CDC27: variants seen among roughly 807,000 people sequenced by gnomAD.
CDC27 encodes the protein cell division cycle protein 27 homolog.
Under a neutral mutation model 109.7 loss-of-function variants are expected in CDC27, and 27 were observed. The ratio of observed to expected loss-of-function variants is 0.25; its 90% confidence interval spans 0.18 to 0.34. CDC27 has a LOEUF of 0.34. Among genes scored for constraint, CDC27 ranks in the 10% least tolerant of loss-of-function variants. The probability of loss-of-function intolerance (pLI) is 1.00; values close to 1 mark genes in which losing one functional copy is unlikely to be tolerated. For missense variants in CDC27, 579 were observed against 960.2 expected, an observed-to-expected ratio of 0.60 and a Z score of 5.25; for synonymous variants, 266 against 333.9, an observed-to-expected ratio of 0.80 and a Z score of 2.22.
intron 18 of CDC27, among the ~76,000 whole-genome samples, chr17:47,121,518 G>C (rs1425472423): frequency 6.6e-6 from 1 of 152,114 alleles, no homozygotes; most frequent in African/African-American, 2.4e-5. Context: ...GCTCACTGCA[G>C]CCTCAAACTC....
intron 2 of CDC27, chr17:47,181,169 C>G (rs1423552810): frequency 7.3e-6 from 1 of 137,584 alleles, no homozygotes; most frequent in Non-Finnish European, 1.5e-5. Flanking sequence ...GTGGGAGGAT[C>G]GCTTGAGCCT....
chr17:47,166,760 T>C (rs992956333), intron 4 of CDC27, among the ~76,000 whole-genome samples: 2 of 152,230 alleles, frequency 1.3e-5, no homozygotes, highest in Non-Finnish European at 2.9e-5. Context: ...AGCAACATCA[T>C]AGTTTTTAAT....
At chr17:47,185,438 C>A (rs1281470967) in intron 1 of CDC27, among the ~76,000 whole-genome samples, 1 of 152,148 alleles carries the variant, frequency 6.6e-6, no homozygotes, top group Non-Finnish European at 1.5e-5. Flanking sequence ...CTGCCTCAGC[C>A]CCCCAAAGTG....
At chr17:47,134,308 T>A (rs1306928697) in intron 14 of CDC27, among the ~76,000 whole-genome samples, 2 of 57,716 alleles carry the variant, frequency 3.5e-5, no homozygotes, top group Non-Finnish European at 9.3e-5. Context: ...CCATATAGAT[T>A]TTTTTTTTTT....
chr17:47,175,493 CTT>C (rs953830608), intron 2 of CDC27, among the ~76,000 whole-genome samples: 24 of 152,260 alleles, frequency 1.6e-4, no homozygotes, highest in African/African-American at 5.3e-4. Flanking sequence ...ACCTATGGAA[CTT>C]TTTATGATTT....
At chr17:47,189,028 G>A (rs953547009) in intron 1 of CDC27, 118 bp downstream of exon 1, 129 of 1,509,360 alleles carry the variant, frequency 8.5e-5, no homozygotes, top group Non-Finnish European at 1.0e-4. Context: ...GGACACGGCA[G>A]CAGGGGAGGC....
intron 16 of CDC27, among the ~76,000 whole-genome samples, chr17:47,124,775 C>T (rs925122317): frequency 3.9e-5 from 6 of 152,000 alleles, no homozygotes; most frequent in Non-Finnish European, 1.5e-5. Context: ...ATTCTACTGT[C>T]CATTTGGACA....
chr17:47,125,923 TTTTC>T (rs562124864), intron 16 of CDC27, among the ~76,000 whole-genome samples: 21 of 152,268 alleles, frequency 1.4e-4, no homozygotes, highest in Admixed American at 3.3e-4. Flanking sequence ...AATTGATATG[TTTTC>T]TTTCTATGAT....
At chr17:47,151,722 A>C (rs1410007328) in intron 9 of CDC27, 84 bp downstream of exon 9, 2 of 1,048,510 alleles carry the variant, frequency 1.9e-6, no homozygotes, top group African/African-American at 3.3e-5. Context: ...AGAATCCACG[A>C]GAGTCACTAT....
chr17:47,143,014 C>A (rs918917572), intron 10 of CDC27, among the ~76,000 whole-genome samples: 2 of 151,380 alleles, frequency 1.3e-5, no homozygotes, highest in Non-Finnish European at 2.9e-5. Flanking sequence ...TTCTGTTGCC[C>A]GTGCTGGAGT....
intron 14 of CDC27, among the ~76,000 whole-genome samples, chr17:47,136,128 C>T (rs1433195393): frequency 4.0e-5 from 6 of 151,788 alleles, no homozygotes; most frequent in Non-Finnish European, 7.4e-5. Context: ...GGTGACAGAG[C>T]GAGACTCTGC....
intron 16 of CDC27, among the ~76,000 whole-genome samples, chr17:47,127,441 TGCCCAG>T (rs2062178683): frequency 6.6e-6 from 1 of 152,266 alleles, no homozygotes; most frequent in East Asian, 1.9e-4. Context: ...TCACTCTTGT[TGCCCAG>T]GCTGGAGCGC....
intron 8 of CDC27, among the ~76,000 whole-genome samples, chr17:47,154,030 A>C (rs1667230427): frequency 6.6e-6 from 1 of 150,900 alleles, no homozygotes; most frequent in Admixed American, 6.7e-5. Flanking sequence ...TAGAGGCTAC[A>C]GTGAGTCATG....
chr17:47,185,020 T>C (rs180917098), intron 1 of CDC27, among the ~76,000 whole-genome samples: 1 of 152,224 alleles, frequency 6.6e-6, no homozygotes, highest in Non-Finnish European at 1.5e-5. Flanking sequence ...GACTGATTAA[T>C]GGGTTAGTCC....
intron 4 of CDC27, among the ~76,000 whole-genome samples, chr17:47,167,441 C>T (rs1232133149): frequency 6.6e-6 from 1 of 152,176 alleles, no homozygotes; most frequent in Non-Finnish European, 1.5e-5. Flanking sequence ...CTATTTTCCT[C>T]TGGAAGTCAC....
At chr17:47,138,996 T>C (rs2062711198) in intron 12 of CDC27, 105 bp from the exon 13 acceptor site, 1 of 724,690 alleles carries the variant, frequency 1.4e-6, no homozygotes, top group East Asian at 2.8e-5. Flanking sequence ...TGCTGCCTTG[T>C]ATTATGGTTT....
intron 16 of CDC27, 50 bp downstream of exon 16, chr17:47,129,343 G>T: frequency 1.5e-6 from 2 of 1,311,216 alleles, no homozygotes; most frequent in Non-Finnish European, 2.1e-6. Flanking sequence ...AAGGGATAAC[G>T]TTGTTTTTAA....
intron 9 of CDC27, among the ~76,000 whole-genome samples, chr17:47,146,441 T>C (rs2062961546): frequency 1.3e-5 from 2 of 152,166 alleles, no homozygotes; most frequent in African/African-American, 4.8e-5. Flanking sequence ...TATAGTACTA[T>C]AGTGAAGAAA....
At chr17:47,159,725 C>T (rs1425665338) in intron 4 of CDC27, 7 of 411,808 alleles carry the variant, frequency 1.7e-5, no homozygotes, top group African/African-American at 8.3e-5. Flanking sequence ...CTGGCTGGCA[C>T]GGGTCTGCTT....
Sources: gnomAD v4.1 joint callset for allele counts (sites outside exome capture counted in the v4.1 genomes callset) on GRCh38, gnomAD v4.1.1 for gene constraint, MANE v1.5 for transcripts, NCBI Gene and HGNC (gene_info 2026-07-23, HGNC 2026-07-21) for gene names.